TNRC6C: variants seen among roughly 807,000 people sequenced by gnomAD.
TNRC6C encodes trinucleotide repeat-containing gene 6C protein.
A neutral mutation model predicts 153.7 loss-of-function variants in TNRC6C; 20 were observed. That is an observed-to-expected ratio of 0.13 (90% CI 0.09 to 0.19). TNRC6C has a LOEUF of 0.19. TNRC6C is among the 10% of genes least tolerant of loss of function. The pLI is 1.00. For missense variants in TNRC6C, 1,987 were observed against 2,172.0 expected (o/e 0.91, Z 1.69); for synonymous variants, 811 against 841.4 (o/e 0.96, Z 0.63).
At chr17:78,071,090 G>A in exon 6 of TNRC6C, 1 of 1,602,986 alleles carries the variant, frequency 6.2e-7, no homozygotes, top group Non-Finnish European at 8.5e-7. Context: ...TCAAGGGCAT[G>A]AAGACGTCTG....
chr17:78,060,685 G>A (rs1598744906), intron 3 of TNRC6C, among the ~76,000 whole-genome samples: 1 of 152,008 alleles, frequency 6.6e-6, no homozygotes, highest in Admixed American at 6.5e-5. Flanking sequence ...CCTCAAGTGA[G>A]CCACCATGCC....
intron 1 of TNRC6C, among the ~76,000 whole-genome samples, chr17:77,966,692 A>G (rs16970693): frequency 0.043 from 6,606 of 152,294 alleles, 465 homozygotes; most frequent in African/African-American, 0.15. Context: ...GATTTGACTC[A>G]CAGCATAAAT....
chr17:77,993,285 A>G (rs971447762), intron 1 of TNRC6C, among the ~76,000 whole-genome samples: 3 of 152,224 alleles, frequency 2.0e-5, no homozygotes, highest in Non-Finnish European at 4.4e-5. Flanking sequence ...TTATTTTAAA[A>G]GAAACCAGAA....
intron 1 of TNRC6C, among the ~76,000 whole-genome samples, chr17:77,959,717 C>A (rs557355074): frequency 6.6e-6 from 1 of 152,180 alleles, no homozygotes; most frequent in South Asian, 2.1e-4. Flanking sequence ...CGGAGAAGGA[C>A]CCCTGGGCGC....
chr17:78,066,462 G>A (rs2072881774), intron 4 of TNRC6C: 1 of 151,942 alleles, frequency 6.6e-6, no homozygotes, highest in Non-Finnish European at 1.5e-5. Flanking sequence ...TAAAGGATAA[G>A]GGAACTTGTG....
At chr17:78,020,895 C>G (rs1314629942) in intron 1 of TNRC6C, among the ~76,000 whole-genome samples, 2 of 152,202 alleles carry the variant, frequency 1.3e-5, no homozygotes, top group East Asian at 3.9e-4. Flanking sequence ...CATCCTTCCC[C>G]TCTACACTTG....
At chr17:78,097,421 G>T (rs918838730) in intron 16 of TNRC6C, among the ~76,000 whole-genome samples, 2 of 152,120 alleles carry the variant, frequency 1.3e-5, no homozygotes, top group Non-Finnish European at 2.9e-5. Context: ...TTTGGGAGAG[G>T]AAATCAGTGT....
At chr17:78,082,458 C>T (rs192043363) in intron 10 of TNRC6C, among the ~76,000 whole-genome samples, 131 of 152,222 alleles carry the variant, frequency 8.6e-4, no homozygotes, top group South Asian at 3.5e-3. Flanking sequence ...TGTCCATAAC[C>T]TGTGTTTAGT....
At chr17:78,107,278 G>A (rs1220690991) in exon 20 of TNRC6C, 1 of 151,604 alleles carries the variant, frequency 6.6e-6, no homozygotes, top group Non-Finnish European at 1.5e-5. Flanking sequence ...TTTGTTTTTT[G>A]TTTTTTTTAC....
intron 5 of TNRC6C, 92 bp downstream of exon 7, chr17:78,068,015 C>A (rs530848127): frequency 1.0e-5 from 15 of 1,454,006 alleles, no homozygotes; most frequent in Non-Finnish European, 1.3e-5. Context: ...AAAAGATAGA[C>A]CTGAGGTTCT....
At chr17:78,092,877 G>A (rs2073417975) in intron 14 of TNRC6C, 56 bp from the exon 17 acceptor site, 3 of 1,536,008 alleles carry the variant, frequency 2.0e-6, no homozygotes, top group Admixed American at 1.8e-5. Context: ...GTATCTTCTG[G>A]TGTCTCTCAA....
At chr17:78,067,802 T>C in exon 5 of TNRC6C, 1 of 1,613,580 alleles carries the variant, frequency 6.2e-7, no homozygotes, top group Non-Finnish European at 8.5e-7. Flanking sequence ...GGGGATGAAA[T>C]GAACCTCAGT....
At chr17:78,102,357 T>C in intron 17 of TNRC6C, 117 bp from the exon 21 acceptor site, 2 of 925,098 alleles carry the variant, frequency 2.2e-6, no homozygotes, top group Non-Finnish European at 3.2e-6. Flanking sequence ...AAGGCTTTCC[T>C]AAAGCACGCA....
exon 18 of TNRC6C, chr17:78,102,535 C>T (rs745883859): frequency 1.7e-5 from 28 of 1,602,428 alleles, no homozygotes; most frequent in African/African-American, 2.7e-5. Context: ...TTCGAAACCT[C>T]ACTCCCCAGG....
At chr17:78,059,392 C>G (rs898955954) in intron 3 of TNRC6C, among the ~76,000 whole-genome samples, 1 of 152,126 alleles carries the variant, frequency 6.6e-6, no homozygotes, top group African/African-American at 2.4e-5. Context: ...GTAAGTGGGG[C>G]TGGACTTCAG....
rs2073643981 is a variant in TNRC6C, at chr17:78,104,016, A to C, written c.4712+463A>C. The stretch of plus-strand genomic sequence containing the variant: ...GTTCCTCACAGGTATCTTGGGACTT[A>C]CTGGTTTTTTTCTGCTGCTGAGTTG... On this transcript the variant is annotated intron_variant, in intron 19 of 19. Transcript: ENST00000301624. This position sits in a 1 kb window ranked among gnomAD's most constrained non-coding sequence, Gnocchi z 6.2. Among the ~76,000 whole-genome samples, 1 of 152,170 alleles carries C rather than the reference A, an allele frequency of 6.6e-6. No homozygotes were observed.
chr17:77,974,204 TTAATAA>T (rs1237661159), intron 1 of TNRC6C, among the ~76,000 whole-genome samples: 2 of 152,118 alleles, frequency 1.3e-5, no homozygotes, highest in African/African-American at 4.8e-5. Context: ...CTCTCGTAAC[TTAATAA>T]TAAGACAAAG....
intron 8 of TNRC6C, among the ~76,000 whole-genome samples, chr17:78,076,717 G>C (rs1419224782): frequency 6.6e-6 from 1 of 152,056 alleles, no homozygotes; most frequent in African/African-American, 2.4e-5. Context: ...AATTAATAAG[G>C]TTCTGTCTTT....
At chr17:78,096,137 CCTT>C (rs1384752110) in intron 16 of TNRC6C, among the ~76,000 whole-genome samples, 2 of 152,200 alleles carry the variant, frequency 1.3e-5, no homozygotes, top group Non-Finnish European at 2.9e-5. Flanking sequence ...AAAGTAAAGA[CCTT>C]CTTGAGGGAA....
Sources: gnomAD v4.1 joint callset for allele counts (sites outside exome capture counted in the v4.1 genomes callset) on GRCh38, gnomAD v4.1.1 for gene constraint, Gnocchi (gnomAD v3.1) non-coding constraint, MANE v1.5 for transcripts, NCBI Gene and HGNC (gene_info 2026-07-23, HGNC 2026-07-21) for gene names.